GOLM2: variants seen among roughly 807,000 people sequenced by gnomAD.
GOLM2 encodes protein GOLM2.
Under a neutral mutation model 55.9 loss-of-function variants are expected in GOLM2, and 26 were observed. The observed-to-expected ratio is 0.47, with a 90% confidence interval of 0.34 to 0.65. The LOEUF (loss-of-function observed/expected upper bound fraction) is 0.65. GOLM2 is among the 30% of genes least tolerant of loss of function. The probability of loss-of-function intolerance (pLI) is 0.01; values close to 1 mark genes in which losing one functional copy is unlikely to be tolerated. For missense variants in GOLM2, 486 were observed against 531.8 expected (o/e 0.91, Z 0.85); for synonymous variants, 165 against 194.6 (o/e 0.85, Z 1.27).
intron 6 of GOLM2, among the ~76,000 whole-genome samples, chr15:44,368,089 T>C (rs2079298527): frequency 1.3e-5 from 2 of 151,984 alleles, no homozygotes; most frequent in African/African-American, 4.8e-5. Context: ...TTTACAATGC[T>C]ATCTTTTTTT....
chr15:44,390,871 C>G (rs1170798470), intron 8 of GOLM2, among the ~76,000 whole-genome samples: 2 of 151,994 alleles, frequency 1.3e-5, no homozygotes, highest in Non-Finnish European at 2.9e-5. Flanking sequence ...GCTCAGCCCC[C>G]TTTTCTAAGG....
chr15:44,372,781 T>C (rs1414004941), intron 6 of GOLM2, among the ~76,000 whole-genome samples: 3 of 152,150 alleles, frequency 2.0e-5, no homozygotes, highest in Non-Finnish European at 4.4e-5. Flanking sequence ...GTCTCTAATA[T>C]GGCCCCTTCT....
chr15:44,381,396 A>C (rs1448421910), intron 8 of GOLM2, among the ~76,000 whole-genome samples: 2 of 152,204 alleles, frequency 1.3e-5, no homozygotes, highest in Admixed American at 6.5e-5. Context: ...GCCTTAGTAG[A>C]TTGCTCAATA....
intron 1 of GOLM2, among the ~76,000 whole-genome samples, chr15:44,298,622 C>T (rs1284163345): frequency 6.6e-6 from 1 of 152,080 alleles, no homozygotes; most frequent in East Asian, 1.9e-4. Flanking sequence ...GTTTGAGCTT[C>T]ATTAACTTAT....
At chr15:44,372,272 A>G (rs1226605256) in intron 6 of GOLM2, among the ~76,000 whole-genome samples, 1 of 152,202 alleles carries the variant, frequency 6.6e-6, no homozygotes, top group Non-Finnish European at 1.5e-5. Flanking sequence ...GAATGCAGCC[A>G]GAGTTGAGGA....
chr15:44,381,463 TAAG>T (rs1403432661), intron 8 of GOLM2, among the ~76,000 whole-genome samples: 1 of 152,164 alleles, frequency 6.6e-6, no homozygotes, highest in Non-Finnish European at 1.5e-5. Context: ...GTTAGAAGTA[TAAG>T]AAAAAATTCT....
At chr15:44,410,653 C>T (rs2079631848) in intron 9 of GOLM2, among the ~76,000 whole-genome samples, 1 of 149,372 alleles carries the variant, frequency 6.7e-6, no homozygotes, top group Non-Finnish European at 1.5e-5. Context: ...TCCAGCACTT[C>T]GGGAGGCTAA....
chr15:44,345,818 A>T (rs765795083), intron 6 of GOLM2: 9 of 152,030 alleles, frequency 5.9e-5, no homozygotes, highest in Non-Finnish European at 1.0e-4. Context: ...GGAAAGAAAA[A>T]AATTACTCCC....
At position 44,337,777 on chromosome 15, in the gene GOLM2, G is replaced by T. The variant is rs772505655; in HGVS notation, c.591G>T (p.Lys197Asn). ...FLEEQKQETQ[K>N]IQSNDGKELD... ...TTGTCTAACAGCAAGAGACCCAAAA[G>T]ATTCAATCAAATGATGGAAAGGAAT... The change falls in exon 5 of 10, where the codon AAG (lysine) becomes AAT (asparagine). Residue 197 changes from lysine to asparagine, a missense_variant. Lys to Asn is a moderately conservative substitution (Grantham distance 94). Transcript: ENST00000299957. The T allele has an allele frequency of 1.9e-6, 3 of 1,577,738 alleles. No homozygotes were observed. In the East Asian group the frequency reaches 6.9e-5, roughly 37 times the overall value.
In GOLM2 at chr15:44,297,562, G is replaced by GT. The variant is rs375293143; in HGVS notation, c.327+8219dup. Among the ~76,000 whole-genome samples, 723 of 137,212 alleles carry GT rather than the reference G, an allele frequency of 5.3e-3. 13 individuals are homozygous for GT. Among genetic ancestry groups the GT allele is most frequent in the South Asian group, 0.045 (198 of 4,368 alleles). The allele number at this position is 137,212 out of a possible 152,430, so 90.0% of individuals were successfully genotyped here. The stretch of plus-strand genomic sequence containing the variant: ...ATATTTATTATACCAATTTTTTTTT[G>GT]TTTTTTTTTTTTTAATTGAGGCAGA... On this transcript the variant is annotated intron_variant, in intron 1 of 9. Coordinates refer to ENST00000299957, the MANE Select transcript of GOLM2 (RefSeq NM_138423.4).
At chr15:44,377,122 C>T (rs898693545) in intron 6 of GOLM2, among the ~76,000 whole-genome samples, 1 of 152,112 alleles carries the variant, frequency 6.6e-6, no homozygotes, top group Non-Finnish European at 1.5e-5. Flanking sequence ...TCTATAATCC[C>T]AGCAGTTTGG....
chr15:44,339,557 C>T (rs568099189), intron 6 of GOLM2, among the ~76,000 whole-genome samples: 11 of 151,994 alleles, frequency 7.2e-5, no homozygotes, highest in African/African-American at 2.2e-4. Context: ...CAGCTGGTCT[C>T]GAACTCCTAA....
At chr15:44,345,369 T>A (rs1428521641) in intron 6 of GOLM2, among the ~76,000 whole-genome samples, 1 of 148,116 alleles carries the variant, frequency 6.8e-6, no homozygotes, top group Non-Finnish European at 1.5e-5. Context: ...GCCTCCCGGG[T>A]TCATGCCAGC....
intron 1 of GOLM2, among the ~76,000 whole-genome samples, chr15:44,295,183 G>A (rs893068653): frequency 6.6e-6 from 1 of 151,888 alleles, no homozygotes; most frequent in Admixed American, 6.6e-5. Flanking sequence ...GGGCTGAAGT[G>A]ATTCTCCTGC....
At chr15:44,298,476 A>G (rs2141107806) in intron 1 of GOLM2, among the ~76,000 whole-genome samples, 1 of 145,040 alleles carries the variant, frequency 6.9e-6, no homozygotes, top group East Asian at 2.0e-4. Context: ...GGGTTTTACC[A>G]CATTGGCCAG....
Position 44,337,839 on chromosome 15 carries a change from C to A in GOLM2, c.653C>A (p.Pro218Gln). 1 of 1,603,966 alleles carries A rather than the reference C, an allele frequency of 6.2e-7. No individual in the cohort carries two copies. The highest frequency in any genetic ancestry group is 1.1e-5 in the South Asian group (1 of 88,388). ...INNQVVPKNI[P>Q]KVAENVADKN... ...AATCAAGTAGTACCTAAAAATATTC[C>A]AAAAGTAGCTGAGAATGTTGCAGAT... The change falls in exon 5 of 10, where the codon CCA becomes CAA. Residue 218 changes from proline (P) to glutamine (Q), a missense_variant. By Grantham distance (76) the Pro-to-Gln change is moderately conservative (BLOSUM62 -1). Coordinates refer to ENST00000299957, the MANE Select transcript of GOLM2 (RefSeq NM_138423.4).
At chr15:44,326,872 G>A (rs1361634501) in intron 2 of GOLM2, among the ~76,000 whole-genome samples, 2 of 150,666 alleles carry the variant, frequency 1.3e-5, no homozygotes, top group Non-Finnish European at 2.9e-5. Context: ...GGCTGGTCTC[G>A]AACTCCTGGC....
At chr15:44,397,896 T>G (rs984002315) in intron 8 of GOLM2, among the ~76,000 whole-genome samples, 2 of 152,236 alleles carry the variant, frequency 1.3e-5, no homozygotes, top group African/African-American at 4.8e-5. Flanking sequence ...AGGCTAGGAT[T>G]TGGAATCATC....
intron 6 of GOLM2, among the ~76,000 whole-genome samples, chr15:44,367,211 CT>C (rs757974081): frequency 3.2e-3 from 415 of 130,466 alleles, no homozygotes; most frequent in South Asian, 4.6e-3. Flanking sequence ...CTGTCTGGCC[CT>C]TTTTTTTTTT....
Sources: gnomAD v4.1 joint callset for allele counts (sites outside exome capture counted in the v4.1 genomes callset) on GRCh38, gnomAD v4.1.1 for gene constraint, MANE v1.5 for transcripts, NCBI Gene and HGNC (gene_info 2026-07-23, HGNC 2026-07-21) for gene names.